The following TAF1 variants were observed in gnomAD, a reference collection of about 807,000 sequenced individuals.
TAF1 encodes the protein TATA-box binding protein associated factor 1.
Under a neutral mutation model 138.5 loss-of-function variants are expected in TAF1, and 2 were observed. The ratio of observed to expected loss-of-function variants is 0.01; its 90% CI spans 0.01 to 0.05. TAF1 has a LOEUF of 0.05. TAF1 is among the 10% of genes least tolerant of loss of function. TAF1 has a pLI of 1.00. For synonymous variants in TAF1, 437 were observed against 503.2 expected, an observed-to-expected ratio of 0.87 and a Z score of 1.76; for missense variants, 709 against 1,478.0, an observed-to-expected ratio of 0.48 and a Z score of 8.53.
At chrX:71,396,106 G>A (rs1409589736) in intron 22 of TAF1, among the ~76,000 whole-genome samples, 1 of 106,000 alleles carries the variant, frequency 9.4e-6, no homozygotes, top group Non-Finnish European at 1.9e-5. Flanking sequence ...CTGAGAGTAC[G>A]CCATTGAACT....
intron 18 of TAF1, among the ~76,000 whole-genome samples, chrX:71,391,725 C>T (rs1555972194): frequency 9.5e-6 from 1 of 105,296 alleles, no homozygotes; most frequent in Non-Finnish European, 1.9e-5. Context: ...CTGCTGGGTT[C>T]AAGCCATTCT....
chrX:71,371,983 G>C (rs183659048), intron 3 of TAF1, among the ~76,000 whole-genome samples: 1 of 111,880 alleles, frequency 8.9e-6, no homozygotes, highest in Admixed American at 9.5e-5. Flanking sequence ...AGTCTTAGAG[G>C]CTTCCCTTTC....
At chrX:71,389,856 G>C (rs772543990) in intron 18 of TAF1, 191 bp downstream of exon 18, 1 of 304,193 alleles carries the variant, frequency 3.3e-6, no homozygotes, top group South Asian at 8.6e-5. Context: ...ATATGGGTTT[G>C]TTTTTTTTTG....
At chrX:71,468,568 C>T (rs1464387064), downstream of TAF1, among the ~76,000 whole-genome samples, 1 of 108,180 alleles carries the variant, frequency 9.2e-6, no homozygotes, top group Non-Finnish European at 1.9e-5. Context: ...CGCCTGTAAT[C>T]CCAGCTACTC....
At position 71,464,281 on chromosome X, in the gene TAF1, G is replaced by A. The variant is rs1261539898; in HGVS notation, c.*235G>A. On this transcript the variant is annotated 3_prime_UTR_variant, in exon 38 of 38. Coordinates refer to ENST00000423759, the MANE Select transcript of TAF1 (RefSeq NM_004606.5). ...GCAACCCCCTTTCCCCTACCACTAC[G>A]GAAAAGAGCAAGCTCATTTTTCCGT... 2.6e-5 allele frequency: 10 copies of A among 389,620 alleles called. No homozygotes were observed. The highest frequency in any genetic ancestry group is 3.5e-5 in the Non-Finnish European group (8 of 227,818). 32.1% of individuals were successfully genotyped at this position (389,620 alleles called of 1,213,427 possible).
At chrX:71,506,262 A>C (rs2039623516) in intron 13 of TAF1, among the ~76,000 whole-genome samples, 1 of 107,765 alleles carries the variant, frequency 9.3e-6, no homozygotes, top group South Asian at 4.1e-4. Flanking sequence ...ATGATGGTGC[A>C]TGCCTGTAGT....
rs761129418 is a variant in TAF1, at chrX:71,418,403, A to G, written c.4385-2906A>G. On this transcript the variant is annotated intron_variant, in intron 28 of 37. Coordinates refer to ENST00000423759, the MANE Select transcript of TAF1 (RefSeq NM_004606.5). Reference sequence around the variant, plus strand: ...TGAGCCACTGTGTCTGGCCTAAGCCAATAAGTCTCATAGGCAGGAAGTCTG... The same window carrying G: ...TGAGCCACTGTGTCTGGCCTAAGCCGATAAGTCTCATAGGCAGGAAGTCTG... Among the ~76,000 whole-genome samples, 3 of 113,008 alleles carry G rather than the reference A, an allele frequency of 2.7e-5. No individual in the cohort carries two copies. In the South Asian group the frequency reaches 1.1e-3, roughly 40 times the overall value.
chrX:71,529,276 T>A (rs2040059358), intron 14 of TAF1, among the ~76,000 whole-genome samples: 1 of 110,511 alleles, frequency 9.0e-6, no homozygotes, highest in Non-Finnish European at 1.9e-5. Context: ...TTTCACCATG[T>A]TAGCCAGGAT....
In TAF1 at chrX:71,512,302, G is replaced by C. The variant is rs751550009; in HGVS notation, c.1367-16240G>C. On this transcript the variant is annotated intron_variant and NMD_transcript_variant, in intron 13 of 14. Transcript: ENST00000373775. ...TGCACTCCAGCCTGAGCGACAGTGC[G>C]AGACTCTGTCTCAAAAACAAAAAAC... Among the ~76,000 whole-genome samples, 4 of 110,540 alleles carry C rather than the reference G, an allele frequency of 3.6e-5. No homozygotes were observed. In the East Asian group the frequency reaches 1.1e-3, roughly 32 times the overall value.
chrX:71,472,380 TC>T (rs1431198607), intron 13 of TAF1, among the ~76,000 whole-genome samples: 53 of 112,424 alleles, frequency 4.7e-4, no homozygotes, highest in African/African-American at 1.7e-3. Context: ...TCTCATTGCT[TC>T]TCTTGCATCA....
intron 13 of TAF1, among the ~76,000 whole-genome samples, chrX:71,473,235 T>C (rs1039990772): frequency 9.0e-6 from 1 of 111,315 alleles, no homozygotes; most frequent in African/African-American, 3.3e-5. Context: ...GGAAATCAAC[T>C]TTGCAGGGTA....
chrX:71,498,818 C>T (rs1393898358), intron 13 of TAF1, among the ~76,000 whole-genome samples: 3 of 111,640 alleles, frequency 2.7e-5, no homozygotes, highest in African/African-American at 9.8e-5. Flanking sequence ...GCAAAGTCTC[C>T]CAATTACAAC....
At chrX:71,523,506 A>T (rs181475864) in intron 13 of TAF1, among the ~76,000 whole-genome samples, 41 of 112,264 alleles carry the variant, frequency 3.7e-4, no homozygotes, top group African/African-American at 1.3e-3. Context: ...TCAGAATTTA[A>T]CAATTTCAAA....
Position 71,384,939 on chromosome X carries a change from T to G in TAF1, c.2122-6T>G. The G allele has an allele frequency of 8.4e-7, 1 of 1,196,917 alleles. No homozygotes were observed. Among genetic ancestry groups the G allele is most frequent in the South Asian group, 1.8e-5 (1 of 56,103 alleles). Reference sequence around the variant, plus strand: ...TAAATAACTGGGTCTTCTGTGTTCCTTATAGAAACCTGGAAAAGATCCTGG... The same window carrying G: ...TAAATAACTGGGTCTTCTGTGTTCCGTATAGAAACCTGGAAAAGATCCTGG... On this transcript the variant is annotated splice_polypyrimidine_tract_variant and splice_region_variant and intron_variant, in intron 13 of 37. Transcript: ENST00000423759.
In TAF1 at chrX:71,377,317, G is replaced by A. The variant is rs932820715; in HGVS notation, c.714+126G>A. On this transcript the variant is annotated intron_variant, in intron 5 of 37. Transcript: ENST00000423759. ...CAGTGACATATTATTGGCTACATAA[G>A]AGCTCTTCACACTGTATTAGGTCTT... The A allele has an allele frequency of 3.3e-5, 34 of 1,024,996 alleles. 1 individual carries two copies. Among genetic ancestry groups the A allele is most frequent in the East Asian group, 1.6e-4 (5 of 31,882 alleles). The allele number at this position is 1,024,996 out of a possible 1,213,427, so 84.5% of individuals were successfully genotyped here. A position where few individuals can be genotyped will look rare whatever the true frequency, so the allele number is the denominator to read the frequency against.
intron 2 of TAF1, 50 bp downstream of exon 2, chrX:71,367,663 C>T (rs769889159): frequency 8.6e-7 from 1 of 1,158,079 alleles, no homozygotes; most frequent in Non-Finnish European, 1.2e-6. Flanking sequence ...TAGCCACCTA[C>T]TATGTATGTA....
intron 13 of TAF1, among the ~76,000 whole-genome samples, chrX:71,508,328 G>A (rs2039668752): frequency 9.1e-6 from 1 of 109,858 alleles, no homozygotes; most frequent in Non-Finnish European, 1.9e-5. Flanking sequence ...GGTGGCTCAT[G>A]CCTGTAATCC....
intron 18 of TAF1, among the ~76,000 whole-genome samples, chrX:71,391,151 A>G (rs1163137490): frequency 9.0e-6 from 1 of 111,700 alleles, no homozygotes; most frequent in African/African-American, 3.3e-5. Context: ...TTCCCGTGGC[A>G]CTGATCACAT....
intron 27 of TAF1, 25 bp from the exon 28 acceptor site, chrX:71,407,949 G>A: frequency 8.4e-7 from 1 of 1,196,660 alleles, no homozygotes; most frequent in Non-Finnish European, 1.1e-6. Flanking sequence ...ATTTGCTGAT[G>A]TATGGTTCTG....
Sources: gnomAD v4.1 joint callset for allele counts (sites outside exome capture counted in the v4.1 genomes callset) on GRCh38, gnomAD v4.1.1 for gene constraint, MANE v1.5 for transcripts, NCBI Gene and HGNC (gene_info 2026-07-23, HGNC 2026-07-21) for gene names.